Variants in RNF213 observed in about 807,000 individuals in gnomAD.
The protein encoded by RNF213 is ring finger protein 213, also known as E3 ubiquitin-protein ligase RNF213.
Under a neutral mutation model 514.4 loss-of-function variants are expected in RNF213, and 341 were observed. The ratio of observed to expected loss-of-function variants is 0.66; its 90% CI spans 0.61 to 0.73. The LOEUF (loss-of-function observed/expected upper bound fraction) is 0.73. RNF213 is among the 30% of genes least tolerant of loss of function. The pLI, the probability that RNF213 is intolerant of heterozygous loss-of-function variation, is 0.00. For synonymous variants in RNF213, 2,655 were observed against 2,658.2 expected (o/e 1.00, Z 0.04); for missense variants, 5,767 against 6,615.6 (o/e 0.87, Z 4.45).
intron 41 of RNF213, 147 bp downstream of exon 41, chr17:80,363,937 G>C: frequency 1.2e-6 from 1 of 829,832 alleles, no homozygotes; most frequent in Middle Eastern, 3.4e-4. Context: ...CGCATTTGCC[G>C]AACCCTTAGT....
chr17:80,360,599 G>A (rs2079019454), intron 38 of RNF213, among the ~76,000 whole-genome samples: 2 of 152,250 alleles, frequency 1.3e-5, no homozygotes, highest in African/African-American at 4.8e-5. Flanking sequence ...CCCAGGAGAG[G>A]CGTTCTCAGA....
intron 3 of RNF213, among the ~76,000 whole-genome samples, chr17:80,285,867 G>A (rs2044454926): frequency 6.6e-6 from 1 of 152,080 alleles, no homozygotes; most frequent in African/African-American, 2.4e-5. Flanking sequence ...AGATGGGGAG[G>A]ATCTCACCAT....
intron 36 of RNF213, among the ~76,000 whole-genome samples, chr17:80,357,437 G>C (rs1450340958): frequency 6.6e-6 from 1 of 152,076 alleles, no homozygotes; most frequent in Non-Finnish European, 1.5e-5. Flanking sequence ...CAGACACTCA[G>C]ATCTAGTGTA....
Position 80,353,435 on chromosome 17 carries a change from G to T in RNF213, c.10424-77G>T. 2 of 1,504,804 alleles carry T rather than the reference G, an allele frequency of 1.3e-6. No homozygotes were observed. The highest frequency in any genetic ancestry group is 1.2e-5 in the South Asian group (1 of 83,298). The allele number at this position is 1,504,804 out of a possible 1,614,324, so 93.2% of individuals were successfully genotyped here. The stretch of plus-strand genomic sequence containing the variant: ...CCTGCACTCGGAGGCTGAGCACACA[G>T]ACTCCCAGATGGCACCGCTGCCAGT... On this transcript the variant is annotated intron_variant, in intron 33 of 67. Coordinates refer to ENST00000582970, the MANE Select transcript of RNF213 (RefSeq NM_001256071.3). This position sits in a 1 kb window ranked among gnomAD's most constrained non-coding sequence, Gnocchi z 5.0.
At chr17:80,307,304 AAGGT>A in intron 13 of RNF213, 103 bp downstream of exon 13, 5 of 895,488 alleles carry the variant, frequency 5.6e-6, no homozygotes, top group Non-Finnish European at 7.5e-6. Context: ...TTGTAACAGC[AAGGT>A]CATAAATTAA....
chr17:80,278,692 T>C, intron 3 of RNF213: 1 of 1,514,594 alleles, frequency 6.6e-7, no homozygotes, highest in Non-Finnish European at 8.9e-7. Context: ...AGGTGGGGTC[T>C]TTGCGAGTCT....
rs532637873 is a variant in RNF213 at position 80,324,216 on chromosome 17, A to C, written c.3025-814A>C. Among the ~76,000 whole-genome samples, 19 of 152,356 alleles carry C rather than the reference A, an allele frequency of 1.2e-4. No individual in the cohort carries two copies. In the South Asian group the frequency reaches 3.3e-3, roughly 27 times the overall value. On this transcript the variant is annotated intron_variant, in intron 17 of 67. Coordinates refer to ENST00000582970, the MANE Select transcript of RNF213 (RefSeq NM_001256071.3). ...TCTTTTGCCACCAGGTGTGATGTCA[A>C]CGTGAGCTTTTCATAGATGCCCTTT...
At chr17:80,284,065 A>C (rs2143138020) in intron 3 of RNF213, among the ~76,000 whole-genome samples, 1 of 151,946 alleles carries the variant, frequency 6.6e-6, no homozygotes, top group South Asian at 2.1e-4. Context: ...TGTACTAAAA[A>C]TATGAAAATT....
chr17:80,318,297 CT>C lies in RNF213; in HGVS notation c.2902-890del, dbSNP rs373075310. Among the ~76,000 whole-genome samples, 4 of 152,324 alleles carry C rather than the reference CT, an allele frequency of 2.6e-5. No individual in the cohort carries two copies. The East Asian group carries it at 7.7e-4, about 29-fold the overall frequency. ...AGGCACACGGGGATAGAGGTTCTCA[CT>C]TTGGGCCATGGGTTTCAGGCTTTTC... On this transcript the variant is annotated intron_variant, in intron 16 of 67. Transcript: ENST00000582970.
In RNF213 at chr17:80,373,212, C is replaced by T. The variant is rs182477067; in HGVS notation, c.12942+47C>T. 1.4e-3 allele frequency: 2,248 copies of T among 1,561,404 alleles called. 35 individuals are homozygous for T. The African/African-American group carries it at 0.026, about 18-fold the overall frequency. On this transcript the variant is annotated intron_variant, in intron 49 of 67. Transcript: ENST00000582970. ...CACACAAACATGCACCCCCACAGCCCCATACACCCCAAACCCACACACCCC... is the reference window on the plus strand; with the variant it reads ...CACACAAACATGCACCCCCACAGCCTCATACACCCCAAACCCACACACCCC...
At chr17:80,337,308 C>G (rs2078015024) in intron 23 of RNF213, among the ~76,000 whole-genome samples, 1 of 152,222 alleles carries the variant, frequency 6.6e-6, no homozygotes, top group African/African-American at 2.4e-5. Flanking sequence ...CACTCCTCCA[C>G]AGATGTAAGT....
chr17:80,373,163 C>T lies in RNF213; in HGVS notation c.12940C>T (p.Gln4314Ter). 6.2e-7 allele frequency: 1 copy of T among 1,609,458 alleles called. No homozygotes were observed. Among genetic ancestry groups the T allele is most frequent in the Non-Finnish European group, 8.5e-7 (1 of 1,179,896 alleles). Residue 4314 changes from glutamine to a stop codon, truncating the protein, a stop_gained and splice_region_variant, in exon 49 of 68, where the codon CAG (glutamine) becomes TAG (stop). Coordinates refer to ENST00000582970, the MANE Select transcript of RNF213 (RefSeq NM_001256071.3). LOFTEE classifies it high-confidence loss of function. ...WVFPKDVVKQ[Q>*]GLRQDHPGQM... ...GTTTCCCAAGGACGTTGTCAAGCAG[C>T]AGGTGAGAAGCGGGGCCGGGCAGCA... is the stretch of plus-strand genomic sequence containing the variant.
intron 36 of RNF213, 98 bp from the exon 37 acceptor site, chr17:80,358,185 GTTGTT>G: frequency 1.1e-6 from 1 of 932,332 alleles, no homozygotes; most frequent in Non-Finnish European, 1.7e-6. Flanking sequence ...TAGTAGACTA[GTTGTT>G]TTGTTAATGC....
intron 37 of RNF213, among the ~76,000 whole-genome samples, chr17:80,359,544 A>G (rs1233381013): frequency 6.7e-6 from 1 of 149,464 alleles, no homozygotes; most frequent in Non-Finnish European, 1.5e-5. Context: ...AAAAAAAAAA[A>G]AAAAAAAAGA....
At chr17:80,291,165 G>A (rs1347825425) in intron 7 of RNF213, among the ~76,000 whole-genome samples, 1 of 152,036 alleles carries the variant, frequency 6.6e-6, no homozygotes, top group African/African-American at 2.4e-5. Context: ...TCTGGAAGAT[G>A]AATATTTCAG....
rs560924780 is a variant in RNF213 at position 80,345,660 on chromosome 17, A to G, written c.7325A>G (p.Asn2442Ser). ...AGCGACCTGCGGCGTGGTGGTACCA[A>G]TGCTGACACCATAAAGCTGGTCAAG... Reference protein sequence around the residue: ...FLSDLRRGGTNADTIKLVKVH... With the variant: ...FLSDLRRGGTSADTIKLVKVH... The change falls in exon 29 of 68, where the codon AAT becomes AGT. Residue 2442 changes from asparagine (N) to serine (S), a missense_variant. Physicochemically the swap from Asn to Ser is conservative, Grantham distance 46. Around this residue, in one of 13 missense-constraint regions of RNF213, gnomAD observed 1,377 missense variants for 1,635.2 expected, o/e 0.84. Transcript: ENST00000582970. This position sits in a 1 kb window ranked among gnomAD's most constrained non-coding sequence, Gnocchi z 6.0. The G allele has an allele frequency of 1.2e-6, 2 of 1,614,222 alleles. No homozygotes were observed. Among genetic ancestry groups the G allele is most frequent in the Non-Finnish European group, 1.7e-6 (2 of 1,180,046 alleles).
chr17:80,383,018 TGAG>T lies in RNF213; in HGVS notation c.14021_14023del (p.Arg4674del). On this transcript the variant is annotated inframe_deletion, in exon 58 of 68. Transcript: ENST00000582970. The stretch of plus-strand genomic sequence containing the variant: ...GACACAGAATTGTCAACTAAAGAAA[TGAG>T]GAACAACTGGGAAAAGGAAATCGCA... 1 of 1,614,070 alleles carries T rather than the reference TGAG, an allele frequency of 6.2e-7. No homozygotes were observed. Among genetic ancestry groups the T allele is most frequent in the Non-Finnish European group, 8.5e-7 (1 of 1,179,940 alleles).
rs148915446 is a variant in RNF213, at chr17:80,347,114, C to T, written c.8779C>T (p.Arg2927Ter). The change falls in exon 29 of 68, where the codon CGA becomes TGA. Residue 2927 changes from arginine to a stop codon, truncating the protein, a stop_gained. Transcript: ENST00000582970. LOFTEE classifies it high-confidence loss of function. The surrounding 1 kb of genome is among the most constrained non-coding windows in gnomAD (Gnocchi z 7.2). ...CTCCTCAGACATCCTCGTCCAGGAC[C>T]GAGTCCAAGGGTACTTTGCGTCCTT... Reference protein sequence around the residue: ...ICSSDILVQDRVQGYFASFAK... With the variant: ...ICSSDILVQD 1.2e-6 allele frequency: 2 copies of T among 1,614,062 alleles called. No individual in the cohort carries two copies. Among genetic ancestry groups the T allele is most frequent in the East Asian group, 2.2e-5 (1 of 44,874 alleles).
intron 60 of RNF213, 95 bp from the exon 61 acceptor site, chr17:80,385,442 GA>G: frequency 8.8e-7 from 1 of 1,137,018 alleles, no homozygotes; most frequent in Non-Finnish European, 1.3e-6. Flanking sequence ...CACAAAGCAG[GA>G]AAGATGGGCT....
Sources: gnomAD v4.1 joint callset for allele counts (sites outside exome capture counted in the v4.1 genomes callset) on GRCh38, gnomAD v4.1.1 for gene constraint, gnomAD v4.1.1 regional missense constraint, Gnocchi (gnomAD v3.1) non-coding constraint, MANE v1.5 for transcripts, NCBI Gene and HGNC (gene_info 2026-07-23, HGNC 2026-07-21) for gene names.